Variants in CFAP58 observed in about 807,000 individuals in gnomAD.
CFAP58 encodes the protein cilia- and flagella-associated protein 58.
A neutral mutation model predicts 119.5 loss-of-function variants in CFAP58; 88 were observed. That is an observed-to-expected ratio of 0.74 (90% CI 0.62 to 0.88). The LOEUF is 0.88. Among genes scored for constraint, CFAP58 ranks in the 40% least tolerant of loss-of-function variants. The pLI, the probability that CFAP58 is intolerant of heterozygous loss-of-function variation, is 0.00. For synonymous variants in CFAP58, 365 were observed against 366.3 expected (o/e 1.00, Z 0.04); for missense variants, 990 against 1,021.2 (o/e 0.97, Z 0.42).
At chr10:104,438,908 T>C (rs2012989409) in intron 15 of CFAP58, among the ~76,000 whole-genome samples, 1 of 152,054 alleles carries the variant, frequency 6.6e-6, no homozygotes, top group Non-Finnish European at 1.5e-5. Context: ...TCTTACCCAG[T>C]GGAATATCAA....
chr10:104,354,705 A>G (rs949866669), intron 1 of CFAP58, among the ~76,000 whole-genome samples: 1 of 152,154 alleles, frequency 6.6e-6, no homozygotes, highest in Non-Finnish European at 1.5e-5. Flanking sequence ...GACCAGCTAC[A>G]TGATTTGCAA....
In CFAP58 at chr10:104,364,791, T is replaced by A; in HGVS notation, c.499T>A (p.Ser167Thr). 1 of 1,612,644 alleles carries A rather than the reference T, an allele frequency of 6.2e-7. No individual in the cohort carries two copies. The change falls in exon 4 of 18, where the codon TCA (serine) becomes ACA (threonine). Residue 167 changes from serine to threonine, a missense_variant. Coordinates refer to ENST00000369704, the MANE Select transcript of CFAP58 (RefSeq NM_001008723.2). ...GACAAAGGAGAGAGACCAGCTCTTA[T>A]CAGAAGTGGTAAAATTACGAGAATC... The part of the protein sequence containing the change: ...EVTKERDQLL[S>T]EVVKLRESLA...
At chr10:104,450,338 A>T in intron 17 of CFAP58, 134 bp downstream of exon 17, 1 of 905,922 alleles carries the variant, frequency 1.1e-6, no homozygotes, top group South Asian at 1.4e-5. Flanking sequence ...GACATTCTAC[A>T]GGTCACTAAG....
At position 104,406,748 on chromosome 10, in the gene CFAP58, C is replaced by G. The variant is rs750649657; in HGVS notation, c.2211C>G (p.Leu737=). ...AAATTCACACCCTGCAGAAGCGTCT[C>G]ATCAGCAAGACTGAAGAGGTGGTTG... ...IQKIHTLQKR[L]ISKTEEVVEK... Residue 737 remains leucine (L), a synonymous_variant, in exon 15 of 18, where the codon CTC becomes CTG. Coordinates refer to ENST00000369704, the MANE Select transcript of CFAP58 (RefSeq NM_001008723.2). The G allele has an allele frequency of 2.5e-5, 40 of 1,614,098 alleles. No homozygotes were observed. In the Middle Eastern group the frequency reaches 8.2e-4, roughly 33 times the overall value.
At chr10:104,361,364 G>A (rs2014664023) in intron 2 of CFAP58, among the ~76,000 whole-genome samples, 1 of 152,096 alleles carries the variant, frequency 6.6e-6, no homozygotes, top group South Asian at 2.1e-4. Flanking sequence ...AGGTTGTTGG[G>A]TACAATTAGG....
At chr10:104,430,707 T>C (rs2012831493) in intron 15 of CFAP58, among the ~76,000 whole-genome samples, 1 of 152,226 alleles carries the variant, frequency 6.6e-6, no homozygotes, top group Admixed American at 6.5e-5. Context: ...AAAACACCAT[T>C]GTTGCTCTAT....
intron 9 of CFAP58, among the ~76,000 whole-genome samples, chr10:104,386,368 C>A (rs540425923): frequency 7.0e-6 from 1 of 142,704 alleles, no homozygotes; most frequent in South Asian, 2.2e-4. Context: ...CAAGAGTGAA[C>A]CACCATCTCA....
intron 15 of CFAP58, among the ~76,000 whole-genome samples, chr10:104,422,975 T>C (rs1302789707): frequency 1.3e-5 from 2 of 152,262 alleles, no homozygotes; most frequent in Non-Finnish European, 2.9e-5. Context: ...TCTTAAGTTT[T>C]ATTTTAATTG....
intron 15 of CFAP58, among the ~76,000 whole-genome samples, chr10:104,444,274 T>C (rs1030690610): frequency 1.3e-5 from 2 of 152,250 alleles, no homozygotes; most frequent in African/African-American, 4.8e-5. Flanking sequence ...CATTGACATA[T>C]GGTGCTTCTA....
At chr10:104,340,327 C>T in the CFAP58 span, among the ~76,000 whole-genome samples, 1 of 152,152 alleles carries the variant, frequency 6.6e-6, no homozygotes, top group Non-Finnish European at 1.5e-5. Flanking sequence ...TTTTCTCTCC[C>T]CTTGGATATT....
the CFAP58 span, among the ~76,000 whole-genome samples, chr10:104,348,315 T>C: frequency 6.6e-6 from 1 of 152,236 alleles, no homozygotes; most frequent in Admixed American, 6.5e-5. Context: ...CAAGTCAGTG[T>C]TTCTGCTTTT....
chr10:104,374,509 A>G (rs2133002710), intron 7 of CFAP58, among the ~76,000 whole-genome samples: 1 of 150,912 alleles, frequency 6.6e-6, no homozygotes, highest in African/African-American at 2.4e-5. Context: ...ATATTATGAG[A>G]GAAATTGGCA....
intron 17 of CFAP58, among the ~76,000 whole-genome samples, chr10:104,453,353 G>A (rs1589941927): frequency 6.6e-6 from 1 of 152,268 alleles, no homozygotes; most frequent in Non-Finnish European, 1.5e-5. Context: ...TCCTCTACAG[G>A]TTCTCTCCCA....
intron 15 of CFAP58, among the ~76,000 whole-genome samples, chr10:104,431,008 C>T (rs2012836690): frequency 6.6e-6 from 1 of 152,206 alleles, no homozygotes; most frequent in Non-Finnish European, 1.5e-5. Context: ...GTGGCTACCA[C>T]ACTGATGAGC....
chr10:104,382,481 A>G, intron 9 of CFAP58: 1 of 366,538 alleles, frequency 2.7e-6, no homozygotes, highest in Non-Finnish European at 5.0e-6. Context: ...ATTACTCTGG[A>G]TATAAACCTC....
At chr10:104,397,112 T>C (rs374217456) in intron 11 of CFAP58, among the ~76,000 whole-genome samples, 8 of 152,232 alleles carry the variant, frequency 5.3e-5, no homozygotes, top group African/African-American at 1.9e-4. Flanking sequence ...TGATCAGCTC[T>C]TGGCACTTAA....
At chr10:104,374,351 T>G (rs967254643) in intron 7 of CFAP58, among the ~76,000 whole-genome samples, 47 of 149,510 alleles carry the variant, frequency 3.1e-4, no homozygotes, top group African/African-American at 1.1e-3. Context: ...GACACACGCC[T>G]GTAGTCCCAA....
chr10:104,351,922 A>C (rs1188887023), upstream of CFAP58: 2 of 152,192 alleles, frequency 1.3e-5, no homozygotes, highest in Admixed American at 6.5e-5. Context: ...GGCTTCTCAA[A>C]GATATCTGTA....
At chr10:104,346,619 T>C in the CFAP58 span, among the ~76,000 whole-genome samples, 4 of 148,220 alleles carry the variant, frequency 2.7e-5, no homozygotes, top group Admixed American at 2.7e-4. Flanking sequence ...ATAGGTTGTA[T>C]GGAGCCATTT....
Sources: allele counts gnomAD v4.1 joint callset (sites outside exome capture counted in the v4.1 genomes callset), GRCh38; gene constraint gnomAD v4.1.1; transcripts MANE v1.5; gene names NCBI Gene and HGNC (gene_info 2026-07-23, HGNC 2026-07-21).